ANKS1B: variants seen among roughly 807,000 people sequenced by gnomAD.
ANKS1B encodes the protein ankyrin repeat and sterile alpha motif domain containing 1B.
Under a neutral mutation model 148.3 loss-of-function variants are expected in ANKS1B, and 36 were observed. That is an observed-to-expected ratio of 0.24 (90% CI 0.19 to 0.32). The LOEUF (loss-of-function observed/expected upper bound fraction) is 0.32. Ranked by LOEUF, ANKS1B falls within the 10% of genes least tolerant of loss-of-function variation. The pLI is 1.00. For synonymous variants in ANKS1B, 542 were observed against 560.8 expected, an observed-to-expected ratio of 0.97 and a Z score of 0.47; for missense variants, 1,157 against 1,542.6, an observed-to-expected ratio of 0.75 and a Z score of 4.19.
intron 23 of ANKS1B, 154 bp from the exon 24 acceptor site, chr12:98,781,357 C>T (rs1011709992): frequency 1.6e-5 from 11 of 682,434 alleles, no homozygotes; most frequent in South Asian, 1.1e-4. Context: ...ATACACACCA[C>T]GCACACTCTA....
intron 17 of ANKS1B, among the ~76,000 whole-genome samples, chr12:98,878,021 T>C (rs1036603746): frequency 6.6e-6 from 1 of 152,066 alleles, no homozygotes; most frequent in Non-Finnish European, 1.5e-5. Flanking sequence ...ATTTTCTTCT[T>C]CGAAATGGTT....
At chr12:99,762,611 A>G (rs1474825776) in intron 8 of ANKS1B, among the ~76,000 whole-genome samples, 1 of 152,176 alleles carries the variant, frequency 6.6e-6, no homozygotes, top group African/African-American at 2.4e-5. Flanking sequence ...CATTCTGGAC[A>G]TAGGTCTGGG....
At chr12:99,801,006 C>T (rs1347452575) in intron 4 of ANKS1B, among the ~76,000 whole-genome samples, 4 of 152,080 alleles carry the variant, frequency 2.6e-5, no homozygotes, top group Non-Finnish European at 4.4e-5. Context: ...AATAGGGACA[C>T]GATAGATTAC....
intron 8 of ANKS1B, among the ~76,000 whole-genome samples, chr12:99,681,952 C>T (rs761605190): frequency 2.0e-5 from 3 of 152,074 alleles, no homozygotes; most frequent in Non-Finnish European, 4.4e-5. Flanking sequence ...ACACCAAAAG[C>T]GAGCAGGAGT....
In ANKS1B at chr12:99,780,937, G is replaced by A. The variant is rs2064238945; in HGVS notation, c.746-965C>T. 2.0e-5 allele frequency among the ~76,000 whole-genome samples: 3 copies of A among 151,970 alleles called. No individual in the cohort carries two copies. In the South Asian group the frequency reaches 6.2e-4, roughly 32 times the overall value. ...ACCTGACGAGCAAACTTACTGAAGT[G>A]TGTAACTAAAACACCTGTTATTATT... On this transcript the variant is annotated intron_variant, in intron 5 of 26. Transcript: ENST00000683438.
intron 12 of ANKS1B, among the ~76,000 whole-genome samples, chr12:99,293,041 C>T (rs2080261899): frequency 6.6e-6 from 1 of 152,166 alleles, no homozygotes; most frequent in African/African-American, 2.4e-5. Flanking sequence ...ACTATAAAGA[C>T]ACATGCACAC....
At chr12:99,825,596 T>C (rs1005316611) in intron 1 of ANKS1B, among the ~76,000 whole-genome samples, 1 of 152,242 alleles carries the variant, frequency 6.6e-6, no homozygotes, top group African/African-American at 2.4e-5. Context: ...AATGCAACTA[T>C]TAATATCTTC....
chr12:99,365,390 C>T (rs2092710692), intron 12 of ANKS1B, among the ~76,000 whole-genome samples: 1 of 152,148 alleles, frequency 6.6e-6, no homozygotes. Context: ...AAAAGAAATA[C>T]TGTGGTAGCC....
At chr12:99,264,043 C>G (rs891368209) in intron 12 of ANKS1B, among the ~76,000 whole-genome samples, 2 of 152,128 alleles carry the variant, frequency 1.3e-5, no homozygotes, top group African/African-American at 4.8e-5. Context: ...CCATTGTCTT[C>G]TGTAAGTAAT....
Position 99,597,829 on chromosome 12 carries a change from A to G in ANKS1B, c.1272+57238T>C, listed in dbSNP as rs536691142. Among the ~76,000 whole-genome samples, 9 of 152,050 alleles carry G rather than the reference A, an allele frequency of 5.9e-5. No individual in the cohort carries two copies. The East Asian group carries it at 1.3e-3, about 23-fold the overall frequency. ...AGGATCTCTAGCACTCAGCAATCCT[A>G]ACACTTCTATTAAATATGGAATAAT... is the stretch of plus-strand genomic sequence containing the variant. On this transcript the variant is annotated intron_variant, in intron 9 of 26. Transcript: ENST00000683438.
intron 1 of ANKS1B, among the ~76,000 whole-genome samples, chr12:99,957,713 A>G (rs1325614654): frequency 1.3e-5 from 2 of 152,242 alleles, no homozygotes; most frequent in Non-Finnish European, 2.9e-5. Context: ...TGCCTAGCAC[A>G]TAATAGGTGC....
intron 14 of ANKS1B, chr12:99,155,169 T>C: frequency 7.1e-7 from 1 of 1,403,316 alleles, no homozygotes; most frequent in Non-Finnish European, 9.3e-7. Flanking sequence ...ATAACAGAGC[T>C]CACGACAGGT....
intron 17 of ANKS1B, among the ~76,000 whole-genome samples, chr12:98,914,288 C>T (rs768643131): frequency 2.6e-5 from 4 of 152,094 alleles, no homozygotes; most frequent in African/African-American, 4.8e-5. Context: ...CCTGAGGCCT[C>T]AGGAGAAGCA....
intron 10 of ANKS1B, among the ~76,000 whole-genome samples, chr12:99,460,735 A>C (rs976936598): frequency 1.9e-4 from 26 of 139,584 alleles, no homozygotes; most frequent in South Asian, 4.2e-4. Context: ...ATAATAACAA[A>C]AAAAAAAAAT....
chr12:99,504,193 T>A (rs988657561), intron 10 of ANKS1B, among the ~76,000 whole-genome samples: 4 of 152,172 alleles, frequency 2.6e-5, no homozygotes, highest in African/African-American at 4.8e-5. Flanking sequence ...ACCAAAGCTG[T>A]GTATCTTACC....
intron 10 of ANKS1B, among the ~76,000 whole-genome samples, chr12:99,470,158 A>G (rs1290135588): frequency 6.6e-6 from 1 of 151,714 alleles, no homozygotes; most frequent in Non-Finnish European, 1.5e-5. Flanking sequence ...CATGAAAAAA[A>G]GAAATATTAA....
intron 17 of ANKS1B, among the ~76,000 whole-genome samples, chr12:98,952,664 C>T (rs2099855878): frequency 6.6e-6 from 1 of 152,144 alleles, no homozygotes; most frequent in African/African-American, 2.4e-5. Context: ...GTGATGACCC[C>T]TGCCTGCTCT....
intron 12 of ANKS1B, among the ~76,000 whole-genome samples, chr12:99,291,100 C>T (rs561070528): frequency 6.6e-6 from 1 of 151,886 alleles, no homozygotes; most frequent in East Asian, 1.9e-4. Flanking sequence ...ATGCCAACAG[C>T]AAACAATATG....
chr12:98,955,569 G>C (rs1438414727), intron 17 of ANKS1B, among the ~76,000 whole-genome samples: 1 of 152,216 alleles, frequency 6.6e-6, no homozygotes, highest in Non-Finnish European at 1.5e-5. Flanking sequence ...GCTTAGACCA[G>C]GGAGGCAGCC....
Sources: gnomAD v4.1 joint callset for allele counts (sites outside exome capture counted in the v4.1 genomes callset) on GRCh38, gnomAD v4.1.1 for gene constraint, MANE v1.5 for transcripts, NCBI Gene and HGNC (gene_info 2026-07-23, HGNC 2026-07-21) for gene names.